The following RARB variants were observed in gnomAD, a reference collection of about 807,000 sequenced individuals.
RARB encodes the protein retinoic acid receptor beta, also known as HBV-activated protein.
RARB carries 17 observed loss-of-function variants against 51.9 expected under a neutral mutation model. That is an observed-to-expected ratio of 0.33 (90% CI 0.22 to 0.49). RARB has a LOEUF of 0.49. RARB is among the 20% of genes least tolerant of loss of function. The pLI is 0.99. For synonymous variants in RARB, 215 were observed against 195.4 expected (o/e 1.10, Z -0.84); for missense variants, 369 against 550.8 (o/e 0.67, Z 3.30).
intron 5 of RARB, among the ~76,000 whole-genome samples, chr3:25,366,010 G>C (rs1169346303): frequency 6.6e-6 from 1 of 152,164 alleles, no homozygotes; most frequent in Admixed American, 6.5e-5. Context: ...CACCACACTT[G>C]TGCAAATATG....
chr3:25,537,452 T>C (rs964044957), intron 3 of RARB, among the ~76,000 whole-genome samples: 3 of 152,204 alleles, frequency 2.0e-5, no homozygotes, highest in African/African-American at 7.2e-5. Flanking sequence ...CTTATTGATA[T>C]AGTCTACATT....
At chr3:25,240,488 T>C (rs1255928760) in intron 5 of RARB, among the ~76,000 whole-genome samples, 1 of 152,192 alleles carries the variant, frequency 6.6e-6, no homozygotes, top group Non-Finnish European at 1.5e-5. Context: ...CTTTATTATA[T>C]TTTGTGGTAT....
At chr3:25,065,535 T>C (rs1698644259) in intron 3 of RARB, among the ~76,000 whole-genome samples, 1 of 152,236 alleles carries the variant, frequency 6.6e-6, no homozygotes, top group African/African-American at 2.4e-5. Flanking sequence ...CATATTCTAG[T>C]AAAGTCTTCT....
intron 5 of RARB, among the ~76,000 whole-genome samples, chr3:25,380,362 G>T (rs903325692): frequency 2.0e-5 from 3 of 152,160 alleles, no homozygotes; most frequent in Non-Finnish European, 4.4e-5. Flanking sequence ...CTCAGGCTCT[G>T]TGACTGGCCT....
chr3:25,175,137 A>G (rs1166389128), intron 5 of RARB, among the ~76,000 whole-genome samples: 4 of 152,148 alleles, frequency 2.6e-5, no homozygotes, highest in Non-Finnish European at 1.5e-5. Flanking sequence ...TCTTCCCTTA[A>G]ATTTTCTGTA....
At chr3:25,337,840 C>T (rs187795964) in intron 5 of RARB, among the ~76,000 whole-genome samples, 133 of 152,140 alleles carry the variant, frequency 8.7e-4, no homozygotes, top group Non-Finnish European at 1.4e-3. Context: ...CTGTCTACAT[C>T]CCCAGAGCCT....
Position 25,494,253 on chromosome 3 carries a change from G to GCACGCGCGCGCACTCACACACA in RARB, c.307-6926_307-6925insGCGCGCGCACTCACACACACAC, listed in dbSNP as rs1553623182. ...GCCCCCTTTTCCAGCTGTATCTTAC[G>GCACGCGCGCGCACTCACACACA]CACACACACACACACACACACACAC... is the stretch of plus-strand genomic sequence containing the variant. On this transcript the variant is annotated intron_variant, in intron 2 of 7. Coordinates refer to ENST00000330688, the MANE Select transcript of RARB (RefSeq NM_000965.5). Among the ~76,000 whole-genome samples, 1,221 of 131,950 alleles carry GCACGCGCGCGCACTCACACACA rather than the reference G, an allele frequency of 9.3e-3. 18 individuals carry two copies. The highest frequency in any genetic ancestry group is 0.023 in the African/African-American group (880 of 38,356). 86.6% of individuals were successfully genotyped at this position (131,950 alleles called of 152,430 possible).
At chr3:25,112,172 TGTAAATGA>T (rs1403075699) in intron 3 of RARB, among the ~76,000 whole-genome samples, 1 of 152,208 alleles carries the variant, frequency 6.6e-6, no homozygotes, top group East Asian at 1.9e-4. Context: ...AATCAAGATC[TGTAAATGA>T]GACCAGATTC....
chr3:25,367,099 A>C (rs144716875), intron 5 of RARB, among the ~76,000 whole-genome samples: 2 of 152,298 alleles, frequency 1.3e-5, no homozygotes, highest in East Asian at 3.9e-4. Flanking sequence ...AACATGTGAA[A>C]CTAGAGATCT....
intron 3 of RARB, among the ~76,000 whole-genome samples, chr3:25,509,496 C>T (rs748245906): frequency 7.9e-5 from 12 of 152,234 alleles, no homozygotes; most frequent in Admixed American, 2.0e-4. Context: ...TAGAACACCA[C>T]AGCTTAGAAG....
chr3:25,131,053 A>AT (rs1163093204), intron 3 of RARB, among the ~76,000 whole-genome samples: 6 of 150,272 alleles, frequency 4.0e-5, no homozygotes, highest in African/African-American at 1.5e-4. Flanking sequence ...ATCAATATTT[A>AT]TTATTATTTC....
At position 25,074,831 on chromosome 3, in the gene RARB, A is replaced by G. The variant is rs73141436; in HGVS notation, c.-328+14655A>G. On this transcript the variant is annotated intron_variant, in intron 3 of 11. Coordinates refer to the RARB transcript ENST00000383772. Reference sequence around the variant, plus strand: ...GTCTTTCTTCTGCTTAATCTGAGCTATAGGGTCACTGGGGCCAGGACTCTT... The same window carrying G: ...GTCTTTCTTCTGCTTAATCTGAGCTGTAGGGTCACTGGGGCCAGGACTCTT... 9.4e-3 allele frequency among the ~76,000 whole-genome samples: 1,432 copies of G among 152,228 alleles called. 19 individuals carry two copies. Among genetic ancestry groups the G allele is most frequent in the African/African-American group, 0.033 (1,355 of 41,534 alleles).
At chr3:25,335,122 G>C (rs1268066554) in intron 5 of RARB, among the ~76,000 whole-genome samples, 1 of 152,182 alleles carries the variant, frequency 6.6e-6, no homozygotes, top group Non-Finnish European at 1.5e-5. Flanking sequence ...TGTTTCCTCA[G>C]CTATAATATG....
upstream of RARB, among the ~76,000 whole-genome samples, chr3:25,425,284 A>G (rs1707959275): frequency 1.3e-5 from 2 of 152,214 alleles, no homozygotes; most frequent in Admixed American, 1.3e-4. Flanking sequence ...CTGTATTTAA[A>G]GAATTATGGC....
intron 2 of RARB, among the ~76,000 whole-genome samples, chr3:25,054,247 T>G (rs1698394170): frequency 8.0e-6 from 1 of 125,304 alleles, no homozygotes; most frequent in Admixed American, 7.8e-5. Context: ...CATTCAGATG[T>G]TTTTTTGACA....
At chr3:25,013,874 A>C (rs906642568) in intron 2 of RARB, among the ~76,000 whole-genome samples, 3 of 152,062 alleles carry the variant, frequency 2.0e-5, no homozygotes, top group African/African-American at 7.2e-5. Context: ...ACACAACTAA[A>C]ACTAGCTTAA....
chr3:25,444,231 G>T (rs1289093691), intron 1 of RARB, among the ~76,000 whole-genome samples: 2 of 152,130 alleles, frequency 1.3e-5, no homozygotes, highest in African/African-American at 4.8e-5. Flanking sequence ...TGAATCTCCC[G>T]AGTAGGAGAA....
chr3:25,230,338 G>A (rs1702148086), intron 5 of RARB, among the ~76,000 whole-genome samples: 1 of 152,068 alleles, frequency 6.6e-6, no homozygotes, highest in African/African-American at 2.4e-5. Flanking sequence ...TAGTGGTCAA[G>A]CTGTTCTTTC....
intron 2 of RARB, among the ~76,000 whole-genome samples, chr3:25,482,130 G>A (rs1250199844): frequency 6.6e-6 from 1 of 152,138 alleles, no homozygotes; most frequent in African/African-American, 2.4e-5. Flanking sequence ...TACAGAACCT[G>A]GCTGGACATG....
Sources: allele counts gnomAD v4.1 joint callset (sites outside exome capture counted in the v4.1 genomes callset), GRCh38; gene constraint gnomAD v4.1.1; transcripts MANE v1.5; gene names NCBI Gene and HGNC (gene_info 2026-07-23, HGNC 2026-07-21).